Variants in CNTNAP5 observed in about 807,000 individuals in gnomAD.
CNTNAP5 encodes contactin associated protein family member 5, also known as contactin-associated protein-like 5.
CNTNAP5 carries 72 observed loss-of-function variants against 150.2 expected under a neutral mutation model. That is an observed-to-expected ratio of 0.48 (90% confidence interval 0.40 to 0.58). CNTNAP5 has a LOEUF of 0.58. Ranked by LOEUF, CNTNAP5 falls within the 20% of genes least tolerant of loss-of-function variation. The probability of loss-of-function intolerance (pLI) is 0.00; values close to 1 mark genes in which losing one functional copy is unlikely to be tolerated. For synonymous variants in CNTNAP5, 672 were observed against 619.8 expected (o/e 1.08, Z -1.25); for missense variants, 1,636 against 1,626.2 (o/e 1.01, Z -0.10).
At chr2:124,811,545 T>A (rs1682219009) in intron 19 of CNTNAP5, among the ~76,000 whole-genome samples, 1 of 152,190 alleles carries the variant, frequency 6.6e-6, no homozygotes, top group African/African-American at 2.4e-5. Context: ...ATAAGATGAC[T>A]ATGTGGACAG....
intron 3 of CNTNAP5, among the ~76,000 whole-genome samples, chr2:124,393,309 A>G (rs1460393221): frequency 1.3e-5 from 2 of 152,076 alleles, no homozygotes; most frequent in Non-Finnish European, 2.9e-5. Context: ...GTCCCCAGTG[A>G]TTGCTCATGT....
At chr2:124,591,419 A>T (rs890721201) in intron 11 of CNTNAP5, among the ~76,000 whole-genome samples, 1 of 152,156 alleles carries the variant, frequency 6.6e-6, no homozygotes, top group African/African-American at 2.4e-5. Context: ...TTTTAAGTTT[A>T]GCTCAATTTA....
At chr2:124,095,163 C>G (rs561114109) in intron 1 of CNTNAP5, among the ~76,000 whole-genome samples, 1 of 152,184 alleles carries the variant, frequency 6.6e-6, no homozygotes, top group Admixed American at 6.5e-5. Flanking sequence ...ACCATGCAGC[C>G]ATGAAAAAGG....
At chr2:124,208,949 TTGTCATGACC>T (rs1685934917) in intron 1 of CNTNAP5, among the ~76,000 whole-genome samples, 1 of 152,146 alleles carries the variant, frequency 6.6e-6, no homozygotes, top group African/African-American at 2.4e-5. Flanking sequence ...CAACCCTCAT[TTGTCATGACC>T]TCCCCGTGGG....
At chr2:124,241,093 G>A (rs1200242764) in intron 2 of CNTNAP5, among the ~76,000 whole-genome samples, 1 of 152,130 alleles carries the variant, frequency 6.6e-6, no homozygotes, top group Non-Finnish European at 1.5e-5. Context: ...TACAGTCTGC[G>A]ATAGCTCCCA....
intron 7 of CNTNAP5, among the ~76,000 whole-genome samples, chr2:124,494,548 T>A (rs1463737320): frequency 1.3e-5 from 2 of 152,158 alleles, no homozygotes; most frequent in East Asian, 1.9e-4. Context: ...CCACAAATAA[T>A]GCTTTACCAG....
intron 3 of CNTNAP5, among the ~76,000 whole-genome samples, chr2:124,250,941 G>T (rs1332408379): frequency 2.0e-5 from 3 of 152,060 alleles, no homozygotes. Context: ...AGTTTTGTGG[G>T]CCTTAATGTT....
At chr2:124,132,844 A>G (rs1683886699) in intron 1 of CNTNAP5, among the ~76,000 whole-genome samples, 1 of 152,112 alleles carries the variant, frequency 6.6e-6, no homozygotes, top group Non-Finnish European at 1.5e-5. Context: ...TGTTCAATCT[A>G]TGTGTCCATT....
At chr2:124,575,354 T>C (rs1401111209) in intron 11 of CNTNAP5, among the ~76,000 whole-genome samples, 1 of 152,230 alleles carries the variant, frequency 6.6e-6, no homozygotes, top group Non-Finnish European at 1.5e-5. Flanking sequence ...TTCAAATTCT[T>C]TAGTGGCTCT....
At chr2:124,467,191 G>C (rs1183368026) in intron 6 of CNTNAP5, among the ~76,000 whole-genome samples, 1 of 152,190 alleles carries the variant, frequency 6.6e-6, no homozygotes, top group African/African-American at 2.4e-5. Flanking sequence ...TTGGTCAATA[G>C]TGCCCTTATG....
intron 3 of CNTNAP5, among the ~76,000 whole-genome samples, chr2:124,402,451 C>T (rs536317943): frequency 2.0e-5 from 3 of 152,286 alleles, no homozygotes; most frequent in Admixed American, 6.5e-5. Context: ...AACATGAGCA[C>T]GTGATTGTCA....
intron 1 of CNTNAP5, among the ~76,000 whole-genome samples, chr2:124,182,113 A>G (rs1685222552): frequency 6.6e-6 from 1 of 152,208 alleles, no homozygotes; most frequent in South Asian, 2.1e-4. Context: ...CTAACTACTT[A>G]CAAATATAAT....
chr2:124,381,596 G>T (rs1279686487), intron 3 of CNTNAP5, among the ~76,000 whole-genome samples: 1 of 152,096 alleles, frequency 6.6e-6, no homozygotes, highest in African/African-American at 2.4e-5. Context: ...TTGCTGAGAT[G>T]TGTAAGTGCT....
At chr2:124,239,574 G>A (rs1686835364) in intron 2 of CNTNAP5, among the ~76,000 whole-genome samples, 1 of 152,070 alleles carries the variant, frequency 6.6e-6, no homozygotes, top group South Asian at 2.1e-4. Flanking sequence ...GGGAAACTAT[G>A]TTATATGCAA....
intron 19 of CNTNAP5, among the ~76,000 whole-genome samples, chr2:124,848,572 T>G (rs1167731399): frequency 2.0e-5 from 3 of 152,126 alleles, no homozygotes; most frequent in Non-Finnish European, 4.4e-5. Flanking sequence ...TGAAGAGTCT[T>G]CAAACTGTTT....
At chr2:124,692,404 G>A (rs992150396) in intron 13 of CNTNAP5, among the ~76,000 whole-genome samples, 1 of 152,068 alleles carries the variant, frequency 6.6e-6, no homozygotes, top group Non-Finnish European at 1.5e-5. Context: ...CATATGGCTT[G>A]CAAAGCTTAA....
intron 1 of CNTNAP5, among the ~76,000 whole-genome samples, chr2:124,050,000 C>G (rs192154179): frequency 7.2e-5 from 11 of 152,250 alleles, no homozygotes; most frequent in African/African-American, 2.4e-4. Flanking sequence ...ATCTAATCAC[C>G]TCTCATAGTT....
intron 16 of CNTNAP5, among the ~76,000 whole-genome samples, chr2:124,772,322 C>T (rs1238286250): frequency 1.3e-5 from 2 of 152,136 alleles, no homozygotes; most frequent in Non-Finnish European, 2.9e-5. Context: ...CAAGGCGATA[C>T]AACTTTCTGA....
chr2:124,292,848 G>A (rs1406660), intron 3 of CNTNAP5, among the ~76,000 whole-genome samples: 53,582 of 151,678 alleles, frequency 0.35, 9,662 homozygotes, highest in South Asian at 0.51. Context: ...CAAAGAAGCC[G>A]CAGGTAGTTA....
Sources: allele counts gnomAD v4.1 joint callset (sites outside exome capture counted in the v4.1 genomes callset), GRCh38; gene constraint gnomAD v4.1.1; transcripts MANE v1.5; gene names NCBI Gene and HGNC (gene_info 2026-07-23, HGNC 2026-07-21).